The following PCSK2 variants were observed in gnomAD, a reference collection of about 807,000 sequenced individuals.
PCSK2 encodes the protein proprotein convertase subtilisin/kexin type 2.
PCSK2 carries 14 observed loss-of-function variants against 69.7 expected under a neutral mutation model. The observed-to-expected ratio is 0.20, with a 90% CI of 0.13 to 0.31. The LOEUF is 0.31. Ranked by LOEUF, PCSK2 falls within the 10% of genes least tolerant of loss-of-function variation. PCSK2 has a pLI of 1.00. For missense variants in PCSK2, 544 were observed against 842.5 expected, an observed-to-expected ratio of 0.65 and a Z score of 4.39; for synonymous variants, 307 against 320.7, an observed-to-expected ratio of 0.96 and a Z score of 0.46.
intron 2 of PCSK2, among the ~76,000 whole-genome samples, chr20:17,356,295 A>G (rs1278496994): frequency 6.6e-6 from 1 of 151,918 alleles, no homozygotes; most frequent in East Asian, 1.9e-4. Flanking sequence ...ATTTTTTTTT[A>G]AGCTTGCCAC....
intron 6 of PCSK2, among the ~76,000 whole-genome samples, chr20:17,420,984 A>G (rs1410515419): frequency 1.3e-5 from 2 of 152,192 alleles, no homozygotes; most frequent in African/African-American, 2.4e-5. Context: ...AGATTATTCA[A>G]CGACAAAGAA....
At chr20:17,459,409 C>T (rs1055306404) in intron 10 of PCSK2, among the ~76,000 whole-genome samples, 6 of 152,128 alleles carry the variant, frequency 3.9e-5, no homozygotes, top group African/African-American at 1.4e-4. Context: ...GGTGAACATA[C>T]AGATACATTT....
intron 11 of PCSK2, among the ~76,000 whole-genome samples, chr20:17,473,630 A>G (rs1454400745): frequency 1.3e-5 from 2 of 152,210 alleles, no homozygotes; most frequent in African/African-American, 4.8e-5. Flanking sequence ...AAAGCAATAC[A>G]TGGTCACTGT....
intron 11 of PCSK2, among the ~76,000 whole-genome samples, chr20:17,469,298 C>T (rs747108972): frequency 3.3e-5 from 5 of 152,162 alleles, no homozygotes; most frequent in African/African-American, 7.2e-5. Context: ...CTTTCATACA[C>T]GTAAGCTTCA....
In PCSK2 at chr20:17,453,951, C is replaced by T. The variant is rs144979581; in HGVS notation, c.1095C>T (p.Ala365=). The change falls in exon 9 of 12, where the codon GCC becomes GCT. Residue 365 remains alanine (A), a synonymous_variant. Coordinates refer to ENST00000262545, the MANE Select transcript of PCSK2 (RefSeq NM_002594.5). This position sits in a 1 kb window ranked among gnomAD's most constrained non-coding sequence, Gnocchi z 4.0. ...FSNGRKRNPE[A]GVATTDLYGN... Reference sequence around the variant, plus strand: ...ACGGGAGGAAAAGGAACCCCGAGGCCGGTGTGGTGAGCACGTCCCCTTCTG... The same window carrying T: ...ACGGGAGGAAAAGGAACCCCGAGGCTGGTGTGGTGAGCACGTCCCCTTCTG... The T allele has an allele frequency of 1.5e-5, 24 of 1,614,050 alleles. No individual in the cohort carries two copies. The highest frequency in any genetic ancestry group is 6.7e-5 in the African/African-American group (5 of 74,916).
intron 11 of PCSK2, among the ~76,000 whole-genome samples, chr20:17,475,751 G>T (rs2033279691): frequency 6.6e-6 from 1 of 152,148 alleles, no homozygotes; most frequent in Non-Finnish European, 1.5e-5. Context: ...CTGGTGTTCT[G>T]AATTCTTAAG....
At position 17,326,771 on chromosome 20, in the gene PCSK2, A is replaced by G. The variant is rs183559604; in HGVS notation, c.283-31556A>G. Among the ~76,000 whole-genome samples the G allele has an allele frequency of 6.8e-3, 1,037 of 152,302 alleles. 7 individuals are homozygous for G. Among genetic ancestry groups the G allele is most frequent in the Non-Finnish European group, 0.01 (691 of 68,030 alleles). On this transcript the variant is annotated intron_variant, in intron 2 of 11. Transcript: ENST00000262545. ...CGGATTTGTTATCTAGGGAAGAAAAAGCCCTCTTCTGGGACTCTGAGACAA... is the reference window on the plus strand; with the variant it reads ...CGGATTTGTTATCTAGGGAAGAAAAGGCCCTCTTCTGGGACTCTGAGACAA...
chr20:17,326,069 C>T (rs774759115), intron 2 of PCSK2, among the ~76,000 whole-genome samples: 5 of 152,236 alleles, frequency 3.3e-5, no homozygotes, highest in Non-Finnish European at 7.3e-5. Context: ...CTCTTCTGCC[C>T]CCATGCCATT....
At chr20:17,344,024 G>A (rs945760410) in intron 2 of PCSK2, among the ~76,000 whole-genome samples, 2 of 152,214 alleles carry the variant, frequency 1.3e-5, no homozygotes, top group Admixed American at 6.5e-5. Context: ...AGGATGAAAA[G>A]CCACTTTCTC....
intron 2 of PCSK2, among the ~76,000 whole-genome samples, chr20:17,353,176 A>G (rs2030052798): frequency 6.6e-6 from 1 of 152,140 alleles, no homozygotes; most frequent in East Asian, 1.9e-4. Flanking sequence ...AAAAGTCAAA[A>G]AATAGGCTGG....
Position 17,347,787 on chromosome 20 carries a change from CGAAAGAAAGAAAGAAAGAAAGAAA to C in PCSK2, c.283-10489_283-10466del, listed in dbSNP as rs58349005. On this transcript the variant is annotated intron_variant, in intron 2 of 11. Coordinates refer to ENST00000262545, the MANE Select transcript of PCSK2 (RefSeq NM_002594.5). ...CTAAAACTGCTGAAAGACACATAGA[CGAAAGAAAGAAAGAAAGAAAGAAA>C]GAAAGAAAGAAAGAAAGAAAGAAAG... Among the ~76,000 whole-genome samples, 408 of 48,540 alleles carry C rather than the reference CGAAAGAAAGAAAGAAAGAAAGAAA, an allele frequency of 8.4e-3. 4 individuals carry two copies. Among genetic ancestry groups the C allele is most frequent in the South Asian group, 0.025 (30 of 1,212 alleles). 31.8% of individuals were successfully genotyped at this position (48,540 alleles called of 152,430 possible).
intron 1 of PCSK2, among the ~76,000 whole-genome samples, chr20:17,227,865 C>T (rs1188119757): frequency 6.6e-6 from 1 of 152,050 alleles, no homozygotes; most frequent in Admixed American, 6.6e-5. Flanking sequence ...GGGAAGTCTC[C>T]CCCACCCCCA....
At chr20:17,371,801 T>C (rs968268821) in intron 5 of PCSK2, among the ~76,000 whole-genome samples, 1 of 152,134 alleles carries the variant, frequency 6.6e-6, no homozygotes, top group Non-Finnish European at 1.5e-5. Flanking sequence ...ATAATTTATT[T>C]AAACATTCTG....
At chr20:17,267,241 C>G (rs1268537291) in intron 2 of PCSK2, among the ~76,000 whole-genome samples, 2 of 152,184 alleles carry the variant, frequency 1.3e-5, no homozygotes, top group Non-Finnish European at 2.9e-5. Context: ...CCAAGTGAAA[C>G]AGTTTCTGAC....
rs1316406942 is a variant in PCSK2 at position 17,484,121 on chromosome 20, CA to C, written c.*2052del. ...TCAGGTGAAAATGTTCATCAATTCC[CA>C]TTGCATCACCTCTGTAATTTTTCAG... On this transcript the variant is annotated 3_prime_UTR_variant, in exon 12 of 12. Coordinates refer to ENST00000262545, the MANE Select transcript of PCSK2 (RefSeq NM_002594.5). 4 of 152,242 alleles carry C rather than the reference CA, an allele frequency of 2.6e-5. No homozygotes were observed. Among genetic ancestry groups the C allele is most frequent in the Non-Finnish European group, 5.9e-5 (4 of 67,998 alleles). The allele number at this position is 152,242 out of a possible 1,614,324, so 9.4% of individuals were successfully genotyped here.
chr20:17,466,543 A>G (rs1324721559), intron 11 of PCSK2, among the ~76,000 whole-genome samples: 1 of 152,200 alleles, frequency 6.6e-6, no homozygotes, highest in Non-Finnish European at 1.5e-5. Flanking sequence ...AGTCAACTGC[A>G]CCCACTTCCC....
intron 1 of PCSK2, among the ~76,000 whole-genome samples, chr20:17,257,904 GT>G (rs1038898602): frequency 3.0e-4 from 46 of 152,272 alleles, no homozygotes; most frequent in African/African-American, 1.1e-3. Flanking sequence ...TTTTACAAAG[GT>G]TTTTGTCCAG....
intron 2 of PCSK2, among the ~76,000 whole-genome samples, chr20:17,280,417 A>C (rs1301604672): frequency 3.3e-5 from 5 of 152,152 alleles, no homozygotes; most frequent in Non-Finnish European, 5.9e-5. Context: ...TGATGGGTCA[A>C]ATTTGTGTTT....
chr20:17,283,991 C>T (rs563911070), intron 2 of PCSK2, among the ~76,000 whole-genome samples: 2 of 152,324 alleles, frequency 1.3e-5, no homozygotes, highest in South Asian at 4.1e-4. Context: ...ATGAGTGTGA[C>T]TCCAGCCATG....
Sources: gnomAD v4.1 joint callset for allele counts (sites outside exome capture counted in the v4.1 genomes callset) on GRCh38, gnomAD v4.1.1 for gene constraint, Gnocchi (gnomAD v3.1) non-coding constraint, MANE v1.5 for transcripts, NCBI Gene and HGNC (gene_info 2026-07-23, HGNC 2026-07-21) for gene names.